TRAPPC12: variants seen among roughly 807,000 people sequenced by gnomAD.
TRAPPC12 encodes TPR repeat protein 15.
In TRAPPC12, 61 loss-of-function variants were observed where a neutral mutation model predicts 69.2. The observed-to-expected ratio is 0.88, with a 90% CI of 0.72 to 1.09. The LOEUF is 1.09. TRAPPC12 is among the 50% of genes least tolerant of loss of function. The pLI, the probability that TRAPPC12 is intolerant of heterozygous loss-of-function variation, is 0.00. For missense variants in TRAPPC12, 1,101 were observed against 1,016.4 expected (o/e 1.08, Z -1.13); for synonymous variants, 469 against 438.9 (o/e 1.07, Z -0.86).
intron 9 of TRAPPC12, chr2:3,467,827 C>G (rs1649104287): frequency 6.6e-6 from 1 of 152,372 alleles, no homozygotes; most frequent in Non-Finnish European, 1.5e-5. Flanking sequence ...TGGGACCTCT[C>G]CTCATCTCCG....
intron 6 of TRAPPC12, among the ~76,000 whole-genome samples, chr2:3,447,996 G>C (rs143363228): frequency 1.3e-5 from 2 of 152,226 alleles, no homozygotes; most frequent in East Asian, 3.9e-4. Flanking sequence ...CAAACCACAC[G>C]CACACACACA....
At chr2:3,392,124 GAGTACTC>G (rs1660861520) in intron 2 of TRAPPC12, among the ~76,000 whole-genome samples, 1 of 152,170 alleles carries the variant, frequency 6.6e-6, no homozygotes, top group South Asian at 2.1e-4. Context: ...GTAGGGCTAA[GAGTACTC>G]AGTACCTTGC....
chr2:3,383,716 G>A (rs1660340630), intron 1 of TRAPPC12, among the ~76,000 whole-genome samples: 1 of 151,796 alleles, frequency 6.6e-6, no homozygotes, highest in African/African-American at 2.4e-5. Flanking sequence ...TCACAGTTAA[G>A]TTTTTAACGT....
intron 5 of TRAPPC12, among the ~76,000 whole-genome samples, chr2:3,436,723 CA>C (rs2103083849): frequency 6.6e-6 from 1 of 151,366 alleles, no homozygotes; most frequent in South Asian, 2.1e-4. Flanking sequence ...TTAATCCCCC[CA>C]CCACCCCTGG....
In TRAPPC12 at chr2:3,388,232, C is replaced by A. The variant is rs199651906; in HGVS notation, c.609C>A (p.Ser203Arg). 52 of 1,608,818 alleles carry A rather than the reference C, an allele frequency of 3.2e-5. No homozygotes were observed. The highest frequency in any genetic ancestry group is 3.3e-4 in the Middle Eastern group (2 of 6,066). ...ARTPPQVVQP[S>R]PSLSTFFGDT... Reference sequence around the variant, plus strand: ...CACCGCCCCAGGTCGTGCAGCCCAGCCCCAGCCTCAGCACGTTCTTCGGAG... The same window carrying A: ...CACCGCCCCAGGTCGTGCAGCCCAGACCCAGCCTCAGCACGTTCTTCGGAG... Residue 203 changes from serine (S) to arginine (R), a missense_variant, in exon 2 of 12, where the codon AGC (serine) becomes AGA (arginine). Ser to Arg is a moderately radical substitution (Grantham distance 110). Transcript: ENST00000324266.
intron 2 of TRAPPC12, chr2:3,389,767 C>G: frequency 2.1e-6 from 1 of 467,326 alleles, no homozygotes; most frequent in Non-Finnish European, 4.4e-6. Flanking sequence ...GAGATTATGC[C>G]GACAACCAGA....
intron 1 of TRAPPC12, among the ~76,000 whole-genome samples, chr2:3,386,180 G>A (rs968343740): frequency 6.6e-6 from 1 of 152,080 alleles, no homozygotes; most frequent in Admixed American, 6.6e-5. Flanking sequence ...GTGAGAAAAG[G>A]GTAGTCTTAT....
intron 9 of TRAPPC12, among the ~76,000 whole-genome samples, chr2:3,472,130 G>GAGGACCTCAGCAAGAACCA (rs1666085311): frequency 6.6e-6 from 1 of 152,174 alleles, no homozygotes; most frequent in Non-Finnish European, 1.5e-5. Flanking sequence ...CTATGGCTGA[G>GAGGACCTCAGCAAGAACCA]AGGACCTCAG....
chr2:3,419,238 T>C (rs906239692), intron 3 of TRAPPC12, among the ~76,000 whole-genome samples: 69 of 152,244 alleles, frequency 4.5e-4, no homozygotes, highest in African/African-American at 1.4e-3. Flanking sequence ...CAGTTATTAG[T>C]TGCCCCTGGA....
intron 3 of TRAPPC12, among the ~76,000 whole-genome samples, chr2:3,420,177 T>G (rs1282202849): frequency 6.6e-6 from 1 of 151,940 alleles, no homozygotes; most frequent in Non-Finnish European, 1.5e-5. Flanking sequence ...CAGTAGGATG[T>G]TCAGCATTTA....
chr2:3,389,714 A>T (rs1304958943), intron 2 of TRAPPC12: 1 of 470,866 alleles, frequency 2.1e-6, no homozygotes, highest in Non-Finnish European at 4.4e-6. Context: ...TGGTACCTGC[A>T]CTCCGCGGAG....
intron 8 of TRAPPC12, 134 bp from the exon 9 acceptor site, chr2:3,465,463 A>G: frequency 1.6e-6 from 1 of 643,854 alleles, no homozygotes; most frequent in South Asian, 2.0e-5. Context: ...GCTGGTTTCC[A>G]GCTTCCCCGC....
At chr2:3,455,055 C>T (rs530665684) in intron 6 of TRAPPC12, 1 of 152,372 alleles carries the variant, frequency 6.6e-6, no homozygotes, top group East Asian at 1.9e-4. Flanking sequence ...AGTCTGCTGA[C>T]CTGGTGCGCC....
chr2:3,446,414 C>A (rs1664509548), intron 6 of TRAPPC12, among the ~76,000 whole-genome samples: 1 of 152,214 alleles, frequency 6.6e-6, no homozygotes, highest in Admixed American at 6.5e-5. Flanking sequence ...AAATTTGACA[C>A]CCTCTTGAGA....
chr2:3,448,617 TCTAGAGCAGCCGGTTACGCGAGGGTAG>T (rs1664654366), intron 6 of TRAPPC12, among the ~76,000 whole-genome samples: 28 of 136,344 alleles, frequency 2.1e-4, no homozygotes, highest in African/African-American at 5.8e-4. Flanking sequence ...GGGTAGGGCG[TCTAGAGCAGCCGGTTACGCGAGGGTAG>T]GGCGTGGAGA....
intron 3 of TRAPPC12, among the ~76,000 whole-genome samples, chr2:3,417,676 C>T (rs1662498574): frequency 1.3e-5 from 2 of 152,110 alleles, no homozygotes; most frequent in Non-Finnish European, 2.9e-5. Context: ...ATGCAGATTC[C>T]GCCAACATTT....
At chr2:3,402,006 T>G in intron 3 of TRAPPC12, 113 bp downstream of exon 3, 2 of 749,564 alleles carry the variant, frequency 2.7e-6, no homozygotes, top group Admixed American at 2.8e-5. Flanking sequence ...CTCTTGCACA[T>G]AAGTAGAATT....
chr2:3,412,642 C>T (rs1438559179), intron 3 of TRAPPC12, among the ~76,000 whole-genome samples: 1 of 152,198 alleles, frequency 6.6e-6, no homozygotes, highest in East Asian at 1.9e-4. Flanking sequence ...TGAGCTCTGA[C>T]TGGAGCAGGG....
Position 3,412,765 on chromosome 2 carries a change from G to A in TRAPPC12, c.1165-9116G>A, listed in dbSNP as rs111743900. Among the ~76,000 whole-genome samples the A allele has an allele frequency of 6.0e-4, 92 of 152,232 alleles. 1 individual carries two copies. Among genetic ancestry groups the A allele is most frequent in the African/African-American group, 2.1e-3 (86 of 41,540 alleles). ...TGAAGACTGGGCCATCATCTGTTCC[G>A]AATCATTGATATGATTGTGTTTCCT... On this transcript the variant is annotated intron_variant, in intron 3 of 11. Transcript: ENST00000324266.
Sources: gnomAD v4.1 joint callset for allele counts (sites outside exome capture counted in the v4.1 genomes callset) on GRCh38, gnomAD v4.1.1 for gene constraint, MANE v1.5 for transcripts, NCBI Gene and HGNC (gene_info 2026-07-23, HGNC 2026-07-21) for gene names.